DLGAP4: variants seen among roughly 807,000 people sequenced by gnomAD.
DLGAP4 encodes the protein disks large-associated protein 4.
Under a neutral mutation model 86.9 loss-of-function variants are expected in DLGAP4, and 18 were observed. The ratio of observed to expected loss-of-function variants is 0.21; its 90% CI spans 0.14 to 0.31. DLGAP4 has a LOEUF of 0.31. Ranked by LOEUF, DLGAP4 falls within the 10% of genes least tolerant of loss-of-function variation. The pLI, the probability that DLGAP4 is intolerant of heterozygous loss-of-function variation, is 1.00. For synonymous variants in DLGAP4, 548 were observed against 574.3 expected, an observed-to-expected ratio of 0.95 and a Z score of 0.65; for missense variants, 1,085 against 1,362.6, an observed-to-expected ratio of 0.80 and a Z score of 3.21.
intron 2 of DLGAP4, among the ~76,000 whole-genome samples, chr20:36,411,788 G>A (rs1267300186): frequency 6.6e-6 from 1 of 152,176 alleles, no homozygotes; most frequent in Non-Finnish European, 1.5e-5. Context: ...TGGACAATCT[G>A]CTGTCCCCCA....
intron 7 of DLGAP4, among the ~76,000 whole-genome samples, chr20:36,489,064 C>T (rs1181521726): frequency 6.6e-6 from 1 of 152,172 alleles, no homozygotes; most frequent in African/African-American, 2.4e-5. Flanking sequence ...AAGTCACCAA[C>T]AGAAAGCCCA....
intron 8 of DLGAP4, 38 bp from the exon 9 acceptor site, chr20:36,499,550 T>TTGTCTCCGTGCCGTTGC: frequency 1.9e-6 from 3 of 1,598,116 alleles, no homozygotes; most frequent in African/African-American, 1.3e-5. Context: ...ATTTTTGTCT[T>TTGTCTCCGTGCCGTTGC]TGTCTCCGTG....
chr20:36,320,227 C>T (rs1479294283), intron 1 of DLGAP4, among the ~76,000 whole-genome samples: 44 of 146,654 alleles, frequency 3.0e-4, no homozygotes, highest in Non-Finnish European at 6.2e-4. Flanking sequence ...CTCCTCCAGG[C>T]CCCCCTCTGT....
Position 36,514,653 on chromosome 20 carries a change from A to G in DLGAP4, c.2513-9597A>G, listed in dbSNP as rs924829144. 7.3e-5 allele frequency among the ~76,000 whole-genome samples: 11 copies of G among 151,382 alleles called. 1 individual carries two copies. The highest frequency in any genetic ancestry group is 1.7e-4 in the African/African-American group (7 of 41,196). ...GGTCTCAAACTCCTGGGTTTAAACAATCCCCCCATCTCAGCCTCCCACAGT... is the reference window on the plus strand; with the variant it reads ...GGTCTCAAACTCCTGGGTTTAAACAGTCCCCCCATCTCAGCCTCCCACAGT... On this transcript the variant is annotated intron_variant, in intron 10 of 12. Coordinates refer to ENST00000339266, the MANE Select transcript of DLGAP4 (RefSeq NM_001365621.2).
At position 36,436,408 on chromosome 20, in the gene DLGAP4, A is replaced by G. The variant is rs149862536; in HGVS notation, c.1241+58A>G. 1,349 of 1,498,968 alleles carry G rather than the reference A, an allele frequency of 9.0e-4. 9 individuals are homozygous for G. In the African/African-American group the frequency reaches 0.017, roughly 19 times the overall value. The allele number at this position is 1,498,968 out of a possible 1,614,324, so 92.9% of individuals were successfully genotyped here. On this transcript the variant is annotated intron_variant, in intron 4 of 12. Coordinates refer to ENST00000339266, the MANE Select transcript of DLGAP4 (RefSeq NM_001365621.2). ...CCAGAGGCAAGCCCCGCCCACTACG[A>G]GTCTTGCTCCCTGGGAGGAGCCCTG... is the stretch of plus-strand genomic sequence containing the variant.
chr20:36,382,205 C>T (rs2147446320), intron 2 of DLGAP4, among the ~76,000 whole-genome samples: 1 of 152,224 alleles, frequency 6.6e-6, no homozygotes, highest in Non-Finnish European at 1.5e-5. Flanking sequence ...ATTTCTTGGC[C>T]CATTGAAACC....
In DLGAP4 at chr20:36,367,128, CT is replaced by C. The variant is rs1327637739; in HGVS notation, c.-219del. On this transcript the variant is annotated 5_prime_UTR_variant, in exon 2 of 13. Coordinates refer to ENST00000339266, the MANE Select transcript of DLGAP4 (RefSeq NM_001365621.2). ...TGGCCCCCGGGCGGTGGCAGAGCCC[CT>C]GTCCCAAGCTGCTTCCTGCCGGCAC... is the stretch of plus-strand genomic sequence containing the variant. The C allele has an allele frequency of 6.6e-6, 1 of 152,388 alleles. No homozygotes were observed. The allele number at this position is 152,388 out of a possible 1,614,324, so 9.4% of individuals were successfully genotyped here.
chr20:36,386,399 G>A (rs2031598022), intron 2 of DLGAP4, among the ~76,000 whole-genome samples: 1 of 151,342 alleles, frequency 6.6e-6, no homozygotes, highest in Admixed American at 6.6e-5. Context: ...AGGGAGAAAA[G>A]GAGGAAGGAA....
intron 11 of DLGAP4, 126 bp from the exon 12 acceptor site, chr20:36,525,725 A>C: frequency 7.9e-7 from 1 of 1,271,108 alleles, no homozygotes; most frequent in South Asian, 1.3e-5. Context: ...ACTTACCCAG[A>C]CACTAGGCCT....
At chr20:36,341,481 TGTGCCAGGCA>T (rs1407192257) in intron 1 of DLGAP4, among the ~76,000 whole-genome samples, 1 of 152,246 alleles carries the variant, frequency 6.6e-6, no homozygotes, top group Non-Finnish European at 1.5e-5. Context: ...ATATGCACCG[TGTGCCAGGCA>T]CCATGCAACC....
At chr20:36,307,227 G>T (rs1600386471) in intron 1 of DLGAP4, among the ~76,000 whole-genome samples, 1 of 152,322 alleles carries the variant, frequency 6.6e-6, no homozygotes, top group Non-Finnish European at 1.5e-5. Context: ...AGGCCCCCAC[G>T]TGCGGCGCCC....
At chr20:36,444,435 C>T (rs2033537020) in intron 6 of DLGAP4, among the ~76,000 whole-genome samples, 1 of 152,040 alleles carries the variant, frequency 6.6e-6, no homozygotes, top group Admixed American at 6.6e-5. Context: ...AGGCACGCAC[C>T]ACCATGCCTG....
chr20:36,425,503 T>C (rs533811463), intron 2 of DLGAP4, among the ~76,000 whole-genome samples: 73 of 152,288 alleles, frequency 4.8e-4, no homozygotes, highest in Admixed American at 2.6e-3. Context: ...GCAGCTGCTA[T>C]GGAAAACAGT....
intron 7 of DLGAP4, chr20:36,461,963 T>C: frequency 1.0e-6 from 1 of 984,724 alleles, no homozygotes; most frequent in Non-Finnish European, 1.2e-6. Flanking sequence ...GCGACCCCAC[T>C]CTTCGGGACT....
intron 2 of DLGAP4, among the ~76,000 whole-genome samples, chr20:36,386,669 C>T (rs900883966): frequency 2.0e-5 from 3 of 152,092 alleles, no homozygotes; most frequent in Admixed American, 1.3e-4. Flanking sequence ...ACTACAGCCT[C>T]GACCTCCCAG....
intron 1 of DLGAP4, among the ~76,000 whole-genome samples, chr20:36,363,778 C>T (rs1370226018): frequency 6.6e-6 from 1 of 152,134 alleles, no homozygotes; most frequent in Non-Finnish European, 1.5e-5. Flanking sequence ...GTATGTGCAT[C>T]CTAGGGTTTG....
At chr20:36,461,316 G>C in intron 7 of DLGAP4, 1 of 338,632 alleles carries the variant, frequency 3.0e-6, no homozygotes, top group Non-Finnish European at 4.1e-6. Flanking sequence ...CTGCCGACCA[G>C]CCCGGCTGCG....
intron 7 of DLGAP4, among the ~76,000 whole-genome samples, chr20:36,482,291 G>A (rs1024904603): frequency 1.3e-4 from 20 of 152,206 alleles, no homozygotes; most frequent in Admixed American, 3.9e-4. Flanking sequence ...GCCTGGCAGC[G>A]TCTGGCTTTG....
intron 7 of DLGAP4, among the ~76,000 whole-genome samples, chr20:36,450,577 G>A (rs1251194229): frequency 1.3e-5 from 2 of 152,042 alleles, no homozygotes; most frequent in Non-Finnish European, 2.9e-5. Context: ...GCCCTTCCCA[G>A]GTAGAAAACT....
Sources: gnomAD v4.1 joint callset for allele counts (sites outside exome capture counted in the v4.1 genomes callset) on GRCh38, gnomAD v4.1.1 for gene constraint, MANE v1.5 for transcripts, NCBI Gene and HGNC (gene_info 2026-07-23, HGNC 2026-07-21) for gene names.